The following NCKAP5 variants were observed in gnomAD, a reference collection of about 807,000 sequenced individuals.
The protein encoded by NCKAP5 is nck-associated protein 5.
NCKAP5 carries 92 observed loss-of-function variants against 167.0 expected under a neutral mutation model. The observed-to-expected ratio is 0.55, with a 90% CI of 0.47 to 0.66. NCKAP5 has a LOEUF of 0.66. Among genes scored for constraint, NCKAP5 ranks in the 30% least tolerant of loss-of-function variants. The probability of loss-of-function intolerance (pLI) is 0.00; values close to 1 mark genes in which losing one functional copy is unlikely to be tolerated. For missense variants in NCKAP5, 2,378 were observed against 2,315.0 expected (o/e 1.03, Z -0.56); for synonymous variants, 891 against 877.4 (o/e 1.02, Z -0.27).
intron 2 of NCKAP5, among the ~76,000 whole-genome samples, chr2:133,532,350 T>C (rs1685435433): frequency 6.6e-6 from 1 of 152,226 alleles, no homozygotes; most frequent in Non-Finnish European, 1.5e-5. Flanking sequence ...AGATTCTTTC[T>C]CATATGGGGA....
intron 6 of NCKAP5, among the ~76,000 whole-genome samples, chr2:133,100,962 C>T (rs2081494444): frequency 6.6e-6 from 1 of 152,110 alleles, no homozygotes; most frequent in African/African-American, 2.4e-5. Context: ...GTGTTTTGGA[C>T]ATGAAGTCCT....
At chr2:133,110,414 G>A (rs1219409235) in intron 6 of NCKAP5, among the ~76,000 whole-genome samples, 1 of 152,178 alleles carries the variant, frequency 6.6e-6, no homozygotes. Context: ...AGATGGTGGC[G>A]AGGTTCACGG....
the NCKAP5 span, among the ~76,000 whole-genome samples, chr2:133,658,450 C>T: frequency 2.0e-5 from 3 of 152,174 alleles, no homozygotes; most frequent in Non-Finnish European, 4.4e-5. Context: ...TTGGCTCTGA[C>T]TCATCCATAC....
chr2:133,265,755 G>A (rs2089170113), intron 4 of NCKAP5, among the ~76,000 whole-genome samples: 1 of 152,152 alleles, frequency 6.6e-6, no homozygotes, highest in Admixed American at 6.5e-5. Flanking sequence ...GGGGACAGGC[G>A]CGCCCTGCTG....
chr2:132,871,850 C>T lies in NCKAP5; in HGVS notation c.649-2876G>A, dbSNP rs556842497. ...ATGCTTTCCTCCATACTGTCTATAA[C>T]GACAGTGTCCGAGGTTTTGTTATCG... On this transcript the variant is annotated intron_variant, in intron 9 of 19. Transcript: ENST00000409261. Among the ~76,000 whole-genome samples, 21 of 152,302 alleles carry T rather than the reference C, an allele frequency of 1.4e-4. 1 individual carries two copies. The East Asian group carries it at 3.7e-3, about 27-fold the overall frequency.
intron 3 of NCKAP5, among the ~76,000 whole-genome samples, chr2:133,487,047 G>A (rs1275855503): frequency 2.0e-5 from 3 of 152,114 alleles, no homozygotes; most frequent in Non-Finnish European, 4.4e-5. Context: ...TTGAAAGACT[G>A]GCTCAAAAAT....
At chr2:132,843,426 AT>A (rs1321320280) in intron 11 of NCKAP5, among the ~76,000 whole-genome samples, 4 of 151,760 alleles carry the variant, frequency 2.6e-5, no homozygotes, top group Non-Finnish European at 5.9e-5. Context: ...TGACTTGTAA[AT>A]TTTTTTTATT....
Position 132,782,777 on chromosome 2 carries a change from G to T in NCKAP5, c.4034C>A (p.Pro1345His). 2 of 1,613,852 alleles carry T rather than the reference G, an allele frequency of 1.2e-6. No homozygotes were observed. The highest frequency in any genetic ancestry group is 1.7e-6 in the Non-Finnish European group (2 of 1,179,816). The change falls in exon 14 of 20, where the codon CCC becomes CAC. Residue 1345 changes from proline (P) to histidine (H), a missense_variant. By Grantham distance (77) the Pro-to-His change is moderately conservative (BLOSUM62 -2). Transcript: ENST00000409261. ...CCCCAGGGAGCCCTTCCCGGAGGAG[G>T]GGTGCCCCGAGGGCCTCCCAACACT... is the stretch of plus-strand genomic sequence containing the variant. ...LPSVGRPSGH[P>H]SSGKGSLGSS...
chr2:133,116,946 T>C (rs1442841325), intron 6 of NCKAP5: 1 of 152,238 alleles, frequency 6.6e-6, no homozygotes, highest in Non-Finnish European at 1.5e-5. Context: ...TTAGCTCACT[T>C]GTTCTTTTGT....
intron 8 of NCKAP5, among the ~76,000 whole-genome samples, chr2:132,918,389 C>G (rs62178917): frequency 9.2e-5 from 14 of 152,178 alleles, no homozygotes; most frequent in Non-Finnish European, 1.9e-4. Context: ...TGACCTGTTC[C>G]TTGAGGATTT....
the NCKAP5 span, among the ~76,000 whole-genome samples, chr2:133,634,500 C>G: frequency 6.6e-6 from 1 of 152,182 alleles, no homozygotes; most frequent in African/African-American, 2.4e-5. Flanking sequence ...TTTTTCACCA[C>G]CCCACCTTAG....
chr2:133,295,268 A>T (rs1325757483), intron 4 of NCKAP5, among the ~76,000 whole-genome samples: 2 of 152,198 alleles, frequency 1.3e-5, no homozygotes, highest in African/African-American at 4.8e-5. Context: ...ATAGATCACC[A>T]CTTCCCTCGA....
At chr2:133,099,796 C>G (rs2081449311) in intron 6 of NCKAP5, among the ~76,000 whole-genome samples, 1 of 152,212 alleles carries the variant, frequency 6.6e-6, no homozygotes, top group Admixed American at 6.5e-5. Flanking sequence ...ATTTAATTCA[C>G]TAGAATAGGG....
chr2:133,307,337 A>G (rs957151326), intron 3 of NCKAP5, among the ~76,000 whole-genome samples: 2 of 152,354 alleles, frequency 1.3e-5, no homozygotes, highest in South Asian at 2.1e-4. Flanking sequence ...GAATTTGAGT[A>G]CTTGATAAGA....
At chr2:133,424,644 A>T (rs1689679228) in intron 3 of NCKAP5, among the ~76,000 whole-genome samples, 1 of 152,138 alleles carries the variant, frequency 6.6e-6, no homozygotes, top group African/African-American at 2.4e-5. Flanking sequence ...ACCTAGAAGG[A>T]TTTTACTTGC....
At chr2:133,411,753 C>A (rs1304872733) in intron 3 of NCKAP5, among the ~76,000 whole-genome samples, 1 of 152,134 alleles carries the variant, frequency 6.6e-6, no homozygotes, top group Non-Finnish European at 1.5e-5. Flanking sequence ...ATAAGCCCAA[C>A]AATTCACAAG....
At chr2:132,673,580 C>G (rs533874977) in intron 19 of NCKAP5, among the ~76,000 whole-genome samples, 2 of 152,070 alleles carry the variant, frequency 1.3e-5, no homozygotes, top group Admixed American at 1.3e-4. Flanking sequence ...GAAATTTGTT[C>G]AGGTAAAGTG....
chr2:132,779,303 T>C (rs1029581457), intron 15 of NCKAP5, among the ~76,000 whole-genome samples: 2 of 152,210 alleles, frequency 1.3e-5, no homozygotes, highest in African/African-American at 4.8e-5. Flanking sequence ...TTTTTGGTAC[T>C]TCTGTACAGT....
chr2:133,627,196 A>G, the NCKAP5 span, among the ~76,000 whole-genome samples: 6 of 152,112 alleles, frequency 3.9e-5, no homozygotes, highest in Admixed American at 3.9e-4. Flanking sequence ...TGTAAAAGGC[A>G]CACCCAAATC....
Sources: gnomAD v4.1 joint callset for allele counts (sites outside exome capture counted in the v4.1 genomes callset) on GRCh38, gnomAD v4.1.1 for gene constraint, MANE v1.5 for transcripts, NCBI Gene and HGNC (gene_info 2026-07-23, HGNC 2026-07-21) for gene names.